Variants in MYEF2 observed in about 807,000 individuals in gnomAD.
The protein encoded by MYEF2 is myelin expression factor 2.
A neutral mutation model predicts 75.2 loss-of-function variants in MYEF2; 37 were observed. The ratio of observed to expected loss-of-function variants is 0.49; its 90% CI spans 0.38 to 0.65. The LOEUF is 0.65. MYEF2 is among the 30% of genes least tolerant of loss of function. MYEF2 has a pLI of 0.00. For synonymous variants in MYEF2, 195 were observed against 241.6 expected (o/e 0.81, Z 1.79); for missense variants, 634 against 771.4 (o/e 0.82, Z 2.11).
At chr15:48,147,036 A>C (rs2039310387) in intron 16 of MYEF2, among the ~76,000 whole-genome samples, 1 of 151,976 alleles carries the variant, frequency 6.6e-6, no homozygotes, top group Admixed American at 6.6e-5. Flanking sequence ...GATAAAACAA[A>C]AATCATTAAT....
chr15:48,135,018 G>T lies in MYEF2; in HGVS notation c.*7890C>A. On this transcript the variant is annotated 3_prime_UTR_variant, in exon 17 of 17. Transcript: ENST00000324324. ...GAAAATAATTCTTATGTAAAAATTA[G>T]AGATTTTATGAATTTCTGATGGTTC... 1 of 1,501,420 alleles carries T rather than the reference G, an allele frequency of 6.7e-7. No homozygotes were observed. Among genetic ancestry groups the T allele is most frequent in the South Asian group, 1.2e-5 (1 of 83,826 alleles). The allele number at this position is 1,501,420 out of a possible 1,614,324, so 93.0% of individuals were successfully genotyped here.
At position 48,141,363 on chromosome 15, in the gene MYEF2, G is replaced by A. The variant is rs2039078543; in HGVS notation, c.*1545C>T. The A allele has an allele frequency of 1.9e-6, 1 of 539,304 alleles. No homozygotes were observed. The highest frequency in any genetic ancestry group is 3.2e-5 in the Admixed American group (1 of 31,152). 33.4% of individuals were successfully genotyped at this position (539,304 alleles called of 1,614,324 possible). A position where few individuals can be genotyped will look rare whatever the true frequency, so the allele number is the denominator to read the frequency against. ...GGAGGCCGAGGCGGGTGGATCACGA[G>A]GTCAGGAGTTTGAGACCAGCCTGAC... On this transcript the variant is annotated 3_prime_UTR_variant, in exon 17 of 17. Coordinates refer to ENST00000324324, the MANE Select transcript of MYEF2 (RefSeq NM_016132.5).
At position 48,151,230 on chromosome 15, in the gene MYEF2, T is replaced by C. The variant is rs2039481231; in HGVS notation, c.1307-59A>G. ...ATTTTAAATAATCATACTTTAAAAT[T>C]CCCAAGGTACTATGTGCTCTGATTT... is the stretch of plus-strand genomic sequence containing the variant. On this transcript the variant is annotated intron_variant, in intron 13 of 16. Transcript: ENST00000324324. 3 of 1,416,924 alleles carry C rather than the reference T, an allele frequency of 2.1e-6. No individual in the cohort carries two copies. The South Asian group carries it at 3.8e-5, about 18-fold the overall frequency. The allele number at this position is 1,416,924 out of a possible 1,614,324, so 87.8% of individuals were successfully genotyped here.
chr15:48,170,634 A>C (rs984154872), intron 1 of MYEF2, among the ~76,000 whole-genome samples: 1 of 152,070 alleles, frequency 6.6e-6, no homozygotes, highest in Non-Finnish European at 1.5e-5. Flanking sequence ...TTCTAAGCCC[A>C]GCAATTCTGG....
intron 1 of MYEF2, among the ~76,000 whole-genome samples, chr15:48,177,872 C>A (rs972026280): frequency 6.6e-6 from 1 of 152,162 alleles, no homozygotes; most frequent in Admixed American, 6.5e-5. Context: ...CCCCGGCTCC[C>A]AGACCACAGG....
chr15:48,151,909 C>T lies in MYEF2; in HGVS notation c.1172G>A (p.Ser391Asn). 6.2e-7 allele frequency: 1 copy of T among 1,613,550 alleles called. No individual in the cohort carries two copies. Among genetic ancestry groups the T allele is most frequent in the Non-Finnish European group, 8.5e-7 (1 of 1,179,618 alleles). Residue 391 changes from serine to asparagine, a missense_variant, in exon 12 of 17, where the codon AGC becomes AAC. By Grantham distance (46) the Ser-to-Asn change is conservative. Coordinates refer to ENST00000324324, the MANE Select transcript of MYEF2 (RefSeq NM_016132.5). Reference protein sequence around the residue: ...IGFGGLEAMNSMGGFGGVGRM... With the variant: ...IGFGGLEAMNNMGGFGGVGRM... ...GCCAACTCCTCCAAATCCTCCCATG[C>T]TATTCATTGCTTCCAGACCACCAAA...
chr15:48,169,320 C>A (rs1004824511), intron 1 of MYEF2, among the ~76,000 whole-genome samples: 9 of 152,138 alleles, frequency 5.9e-5, no homozygotes, highest in Admixed American at 6.5e-5. Flanking sequence ...TTTCTCCTCC[C>A]TTAATTAGAA....
intron 5 of MYEF2, among the ~76,000 whole-genome samples, chr15:48,165,479 A>C (rs1359659143): frequency 6.6e-6 from 1 of 152,050 alleles, no homozygotes; most frequent in East Asian, 1.9e-4. Flanking sequence ...ATTTTTCTTA[A>C]ATTTTAATCT....
chr15:48,152,039 C>T (rs777737451), intron 11 of MYEF2, 97 bp from the exon 12 acceptor site: 289 of 1,289,650 alleles, frequency 2.2e-4, no homozygotes, highest in Non-Finnish European at 3.2e-4. Context: ...GCTCTTCATC[C>T]ACCCTACCTT....
rs779316920 is a variant in MYEF2, at chr15:48,141,203, T to C, written c.*1705A>G. On this transcript the variant is annotated 3_prime_UTR_variant, in exon 17 of 17. Coordinates refer to ENST00000324324, the MANE Select transcript of MYEF2 (RefSeq NM_016132.5). ...CCAGACACAATTGCAAGTGTGTTGG[T>C]TGCAAGAAAAGGTAAGAACTAGGTC... 17 of 1,613,100 alleles carry C rather than the reference T, an allele frequency of 1.1e-5. No homozygotes were observed. Among genetic ancestry groups the C allele is most frequent in the East Asian group, 8.9e-5 (4 of 44,866 alleles).
At chr15:48,156,513 A>G (rs1019256787) in intron 9 of MYEF2, among the ~76,000 whole-genome samples, 7 of 151,924 alleles carry the variant, frequency 4.6e-5, no homozygotes, top group African/African-American at 1.7e-4. Flanking sequence ...TTGACTCAAA[A>G]AAAAAAGACA....
At chr15:48,146,166 T>C (rs2039275123) in intron 16 of MYEF2, among the ~76,000 whole-genome samples, 1 of 151,956 alleles carries the variant, frequency 6.6e-6, no homozygotes, top group Non-Finnish European at 1.5e-5. Context: ...AGTATACAGA[T>C]GACATGGGAG....
intron 16 of MYEF2, among the ~76,000 whole-genome samples, chr15:48,147,218 A>G (rs987789956): frequency 1.3e-5 from 2 of 151,890 alleles, no homozygotes; most frequent in African/African-American, 4.8e-5. Flanking sequence ...TGATGTCCTC[A>G]TGTCAAAACA....
At chr15:48,160,412 T>C (rs1416049478) in intron 5 of MYEF2, among the ~76,000 whole-genome samples, 1 of 151,794 alleles carries the variant, frequency 6.6e-6, no homozygotes, top group Non-Finnish European at 1.5e-5. Context: ...TGAGAAATGA[T>C]ATTAAACATT....
Position 48,165,986 on chromosome 15 carries a change from G to C in MYEF2, c.472C>G (p.Leu158Val). ...FKDEEFVKKALETMNKYDLSG... is the reference protein window; with the variant it reads ...FKDEEFVKKAVETMNKYDLSG... ...AGATCATATTTGTTCATAGTTTCTA[G>C]GGCTTTCTTTACAAATTCTTCATCT... Residue 158 changes from leucine (L) to valine (V), a missense_variant, in exon 5 of 17, where the codon CTA becomes GTA. By Grantham distance (32) the Leu-to-Val change is conservative. Coordinates refer to ENST00000324324, the MANE Select transcript of MYEF2 (RefSeq NM_016132.5). The C allele has an allele frequency of 6.3e-7, 1 of 1,597,894 alleles. No homozygotes were observed. Among genetic ancestry groups the C allele is most frequent in the Non-Finnish European group, 8.5e-7 (1 of 1,170,852 alleles).
In MYEF2 at chr15:48,170,422, G is replaced by A. The variant is rs545437365; in HGVS notation, c.162-1583C>T. On this transcript the variant is annotated intron_variant, in intron 1 of 16. Coordinates refer to ENST00000324324, the MANE Select transcript of MYEF2 (RefSeq NM_016132.5). ...ATTACAGGTGTGAGCCACCGTGCCCGGCCAATAGATTTCTTATTTAAATAA... is the reference window on the plus strand; with the variant it reads ...ATTACAGGTGTGAGCCACCGTGCCCAGCCAATAGATTTCTTATTTAAATAA... Among the ~76,000 whole-genome samples the A allele has an allele frequency of 2.2e-4, 33 of 152,192 alleles. 1 individual carries two copies. The East Asian group carries it at 3.1e-3, about 14-fold the overall frequency.
In MYEF2 at chr15:48,142,616, A is replaced by G. The variant is rs910540480; in HGVS notation, c.*292T>C. 17 of 445,528 alleles carry G rather than the reference A, an allele frequency of 3.8e-5. No homozygotes were observed. The highest frequency in any genetic ancestry group is 3.0e-4 in the African/African-American group (15 of 49,478). 27.6% of individuals were successfully genotyped at this position (445,528 alleles called of 1,614,324 possible). A position where few individuals can be genotyped will look rare whatever the true frequency, so the allele number is the denominator to read the frequency against. ...TGACAAAAACTGGAGAAACTAGAAC[A>G]AACAAATCCAACTATGTAGTACTGA... On this transcript the variant is annotated 3_prime_UTR_variant, in exon 17 of 17. Coordinates refer to ENST00000324324, the MANE Select transcript of MYEF2 (RefSeq NM_016132.5).
In MYEF2 at chr15:48,141,140, T is replaced by G. The variant is rs969391040; in HGVS notation, c.*1768A>C. On this transcript the variant is annotated 3_prime_UTR_variant, in exon 17 of 17. Coordinates refer to ENST00000324324, the MANE Select transcript of MYEF2 (RefSeq NM_016132.5). ...GAAACACTAGAAATTCCCGATACAG[T>G]AATGGGCCTTACTTTATTAGCAGCA... 2 of 1,613,550 alleles carry G rather than the reference T, an allele frequency of 1.2e-6. No individual in the cohort carries two copies. Among genetic ancestry groups the G allele is most frequent in the African/African-American group, 2.7e-5 (2 of 74,888 alleles).
intron 1 of MYEF2, among the ~76,000 whole-genome samples, chr15:48,172,794 T>C (rs2040389097): frequency 6.6e-6 from 1 of 152,110 alleles, no homozygotes. Context: ...CCTGGAAATA[T>C]ACAACTCACC....
Sources: gnomAD v4.1 joint callset for allele counts (sites outside exome capture counted in the v4.1 genomes callset) on GRCh38, gnomAD v4.1.1 for gene constraint, MANE v1.5 for transcripts, NCBI Gene and HGNC (gene_info 2026-07-23, HGNC 2026-07-21) for gene names.